SMARCA2: variants seen among roughly 807,000 people sequenced by gnomAD.
SMARCA2 encodes SWI/SNF-related matrix-associated actin-dependent regulator of chromatin subfamily A member 2.
A neutral mutation model predicts 199.8 loss-of-function variants in SMARCA2; 61 were observed. That is an observed-to-expected ratio of 0.31 (90% CI 0.25 to 0.38). The LOEUF (loss-of-function observed/expected upper bound fraction) is 0.38. SMARCA2 is among the 10% of genes least tolerant of loss of function. SMARCA2 has a pLI of 1.00. For synonymous variants in SMARCA2, 935 were observed against 732.0 expected (o/e 1.28, Z -4.48); for missense variants, 1,344 against 2,012.2 (o/e 0.67, Z 6.35).
At position 2,119,453 on chromosome 9, in the gene SMARCA2, C is replaced by T; in HGVS notation, c.3685-5C>T. 1 of 1,607,464 alleles carries T rather than the reference C, an allele frequency of 6.2e-7. No homozygotes were observed. The highest frequency in any genetic ancestry group is 8.5e-7 in the Non-Finnish European group (1 of 1,174,128). ...TGGTTAAAATCACTCTGTTTTTAACCCCAGGAAGAAGATGAAGTACCGGAC... is the reference window on the plus strand; with the variant it reads ...TGGTTAAAATCACTCTGTTTTTAACTCCAGGAAGAAGATGAAGTACCGGAC... On this transcript the variant is annotated splice_region_variant and splice_polypyrimidine_tract_variant and intron_variant, in intron 25 of 33. Transcript: ENST00000349721. The surrounding 1 kb of genome is among the most constrained non-coding windows in gnomAD (Gnocchi z 4.6).
At position 2,110,200 on chromosome 9, in the gene SMARCA2, G is replaced by T; in HGVS notation, c.3293-54G>T. The T allele has an allele frequency of 6.9e-7, 1 of 1,444,612 alleles. No homozygotes were observed. Among genetic ancestry groups the T allele is most frequent in the Non-Finnish European group, 9.4e-7 (1 of 1,060,862 alleles). 89.5% of individuals were successfully genotyped at this position (1,444,612 alleles called of 1,614,324 possible). Reference sequence around the variant, plus strand: ...GAAGCAAGCCTTTTTGTCTCATTCTGTGCCATTTTCAGACAAGAGTTAATT... The same window carrying T: ...GAAGCAAGCCTTTTTGTCTCATTCTTTGCCATTTTCAGACAAGAGTTAATT... On this transcript the variant is annotated intron_variant, in intron 23 of 33. Coordinates refer to ENST00000349721, the MANE Select transcript of SMARCA2 (RefSeq NM_003070.5). This position sits in a 1 kb window ranked among gnomAD's most constrained non-coding sequence, Gnocchi z 4.8.
At chr9:2,121,900 A>G (rs1455807451) in intron 26 of SMARCA2, among the ~76,000 whole-genome samples, 1 of 152,224 alleles carries the variant, frequency 6.6e-6, no homozygotes, top group Non-Finnish European at 1.5e-5. Context: ...CTACAAAGGG[A>G]AAAAGCACTT....
rs1818380470 is a variant in SMARCA2, at chr9:2,016,983, C to G, written c.-37+1579C>G. On this transcript the variant is annotated intron_variant, in intron 1 of 33. Transcript: ENST00000349721. This position sits in a 1 kb window ranked among gnomAD's most constrained non-coding sequence, Gnocchi z 5.6. ...ACGGAGCACAGTGCTCCCGGTGCCC[C>G]GCACCAGGCCTCGCAGCCTGGGTGC... 6.6e-6 allele frequency: 1 copy of G among 151,874 alleles called. No homozygotes were observed. Among genetic ancestry groups the G allele is most frequent in the Non-Finnish European group, 1.5e-5 (1 of 67,992 alleles). The allele number at this position is 151,874 out of a possible 1,614,324, so 9.4% of individuals were successfully genotyped here.
In SMARCA2 at chr9:2,123,241, C is replaced by CTT. The variant is rs112744923; in HGVS notation, c.3763-469_3763-468dup. 1.8e-3 allele frequency among the ~76,000 whole-genome samples: 263 copies of CTT among 148,444 alleles called. 1 individual carries two copies. Among genetic ancestry groups the CTT allele is most frequent in the African/African-American group, 6.2e-3 (250 of 40,576 alleles). ...TTCTGTACTGATACCTTGGGTCCCCCTTTTTTTTTTATTGCTGATTGTTTA... is the reference window on the plus strand; with the variant it reads ...TTCTGTACTGATACCTTGGGTCCCCCTTTTTTTTTTTTATTGCTGATTGTTTA... On this transcript the variant is annotated intron_variant, in intron 26 of 33. Transcript: ENST00000349721. The surrounding 1 kb of genome is among the most constrained non-coding windows in gnomAD (Gnocchi z 4.1).
chr9:2,150,871 T>C (rs557221949), intron 27 of SMARCA2, among the ~76,000 whole-genome samples: 1 of 151,612 alleles, frequency 6.6e-6, no homozygotes, highest in South Asian at 2.1e-4. Flanking sequence ...TGCGGGGTTG[T>C]TCCTCTATGT....
chr9:2,184,284 A>T (rs1827267644), intron 31 of SMARCA2, among the ~76,000 whole-genome samples: 1 of 152,070 alleles, frequency 6.6e-6, no homozygotes, highest in Non-Finnish European at 1.5e-5. Context: ...TGTAAGATAC[A>T]GTACAGAGAG....
chr9:2,165,257 T>A (rs1486125396), intron 28 of SMARCA2, among the ~76,000 whole-genome samples: 1 of 152,226 alleles, frequency 6.6e-6, no homozygotes, highest in Non-Finnish European at 1.5e-5. Context: ...TTAACTGATA[T>A]ATAAGAAGAA....
At chr9:2,046,484 GT>G (rs1819849034) in intron 4 of SMARCA2, among the ~76,000 whole-genome samples, 3 of 152,272 alleles carry the variant, frequency 2.0e-5, no homozygotes, top group Non-Finnish European at 4.4e-5. Flanking sequence ...TTTAAGAAGT[GT>G]TTTCTAATAT....
chr9:2,074,174 T>A (rs1006784402), intron 12 of SMARCA2, among the ~76,000 whole-genome samples: 4 of 152,162 alleles, frequency 2.6e-5, no homozygotes, highest in Admixed American at 2.6e-4. Flanking sequence ...AAGCGCTCAG[T>A]CTCTTGGAAG....
intron 30 of SMARCA2, among the ~76,000 whole-genome samples, 199 bp from the exon 31 acceptor site, chr9:2,181,942 T>G (rs1308159945): frequency 1.3e-5 from 2 of 152,206 alleles, no homozygotes; most frequent in East Asian, 3.8e-4. Context: ...CATATGCTCC[T>G]CCTTGGCAAA....
intron 9 of SMARCA2, among the ~76,000 whole-genome samples, chr9:2,064,550 T>G (rs945368464): frequency 1.3e-5 from 2 of 152,272 alleles, no homozygotes; most frequent in Admixed American, 1.3e-4. Flanking sequence ...AAACCTTTAC[T>G]GCATATTCTT....
intron 27 of SMARCA2, among the ~76,000 whole-genome samples, chr9:2,153,629 T>C (rs1309572317): frequency 6.6e-6 from 1 of 152,230 alleles, no homozygotes; most frequent in Non-Finnish European, 1.5e-5. Flanking sequence ...TATTTTAAAT[T>C]ACTGTACTAA....
intron 27 of SMARCA2, among the ~76,000 whole-genome samples, chr9:2,127,564 T>C (rs1184545318): frequency 6.6e-6 from 1 of 152,152 alleles, no homozygotes; most frequent in Admixed American, 6.5e-5. Context: ...CCACTTGAGC[T>C]GGAAGTGGGG....
chr9:2,169,946 C>T lies in SMARCA2; in HGVS notation c.4200-473C>T, dbSNP rs2129718390. 6.6e-6 allele frequency among the ~76,000 whole-genome samples: 1 copy of T among 152,312 alleles called. No individual in the cohort carries two copies. Among genetic ancestry groups the T allele is most frequent in the Middle Eastern group, 3.4e-3 (1 of 294 alleles). ...GTGTTCAGACCCAAATTGGCTGATG[C>T]TTGGAATACCTTCTTTGTGCAGGCT... On this transcript the variant is annotated intron_variant, in intron 28 of 33. Transcript: ENST00000349721. The surrounding 1 kb of genome is among the most constrained non-coding windows in gnomAD (Gnocchi z 6.5).
At chr9:2,043,718 T>C (rs1344134454) in intron 4 of SMARCA2, 1 of 152,376 alleles carries the variant, frequency 6.6e-6, no homozygotes, top group East Asian at 1.9e-4. Flanking sequence ...TTTGAAGTTC[T>C]GTGCCTGTGA....
intron 29 of SMARCA2, among the ~76,000 whole-genome samples, chr9:2,175,419 G>A (rs1168912073): frequency 6.6e-6 from 1 of 150,622 alleles, no homozygotes; most frequent in Non-Finnish European, 1.5e-5. Context: ...GAAATGCATA[G>A]AAACTGAAAA....
chr9:2,070,660 C>T (rs532536908), intron 10 of SMARCA2, among the ~76,000 whole-genome samples, 189 bp downstream of exon 10: 88 of 152,208 alleles, frequency 5.8e-4, no homozygotes, highest in Non-Finnish European at 1.0e-3. Flanking sequence ...AATCTACTTA[C>T]ATGTCAGACT....
At position 2,036,388 on chromosome 9, in the gene SMARCA2, A is replaced by T. The variant is rs542524536; in HGVS notation, c.356-3078A>T. ...CTTTCGAATGAGCAAATCAAAGAAGATTCCAAAAAGAGCAGAATCTGCATC... is the reference window on the plus strand; with the variant it reads ...CTTTCGAATGAGCAAATCAAAGAAGTTTCCAAAAAGAGCAGAATCTGCATC... On this transcript the variant is annotated intron_variant, in intron 3 of 33. Coordinates refer to ENST00000349721, the MANE Select transcript of SMARCA2 (RefSeq NM_003070.5). Among the ~76,000 whole-genome samples, 10 of 152,260 alleles carry T rather than the reference A, an allele frequency of 6.6e-5. No homozygotes were observed. In the South Asian group the frequency reaches 1.9e-3, roughly 28 times the overall value.
At chr9:2,178,746 T>G (rs556130890) in intron 29 of SMARCA2, among the ~76,000 whole-genome samples, 22 of 152,016 alleles carry the variant, frequency 1.4e-4, no homozygotes, top group Non-Finnish European at 3.1e-4. Flanking sequence ...ACCTGTAATT[T>G]AGGAAAAAAA....
Sources: allele counts gnomAD v4.1 joint callset (sites outside exome capture counted in the v4.1 genomes callset), GRCh38; gene constraint gnomAD v4.1.1; non-coding constraint Gnocchi (gnomAD v3.1); transcripts MANE v1.5; gene names NCBI Gene and HGNC (gene_info 2026-07-23, HGNC 2026-07-21).